The following KLB variants were observed in gnomAD, a reference collection of about 807,000 sequenced individuals.
The protein encoded by KLB is beta-klotho.
Under a neutral mutation model 88.4 loss-of-function variants are expected in KLB, and 44 were observed. The observed-to-expected ratio is 0.50, with a 90% CI of 0.39 to 0.64. The LOEUF is 0.64. Among genes scored for constraint, KLB ranks in the 30% least tolerant of loss-of-function variants. KLB has a pLI of 0.00. For missense variants in KLB, 1,137 were observed against 1,304.8 expected (o/e 0.87, Z 1.98); for synonymous variants, 548 against 513.4 (o/e 1.07, Z -0.91).
chr4:39,430,658 C>A (rs1361743646), intron 1 of KLB, among the ~76,000 whole-genome samples: 1 of 143,074 alleles, frequency 7.0e-6, no homozygotes, highest in Non-Finnish European at 1.5e-5. Flanking sequence ...TGGAGTACAG[C>A]GACTCAATCT....
intron 3 of KLB, among the ~76,000 whole-genome samples, chr4:39,443,028 G>A (rs901203713): frequency 1.3e-5 from 2 of 152,132 alleles, no homozygotes; most frequent in African/African-American, 4.8e-5. Flanking sequence ...TGGCATTGAC[G>A]TGTTTGAAGA....
At chr4:39,434,033 G>A (rs1025010117) in intron 1 of KLB, among the ~76,000 whole-genome samples, 177 bp from the exon 2 acceptor site, 9 of 152,148 alleles carry the variant, frequency 5.9e-5, no homozygotes, top group African/African-American at 2.2e-4. Flanking sequence ...AGAAGTTTTA[G>A]GTTGGAAGCA....
chr4:39,424,881 G>A lies in KLB; in HGVS notation c.826-9329G>A, dbSNP rs140296546. ...TGACCTCAAGTGATCCACCCGCCTC[G>A]GCCTCCCAAAGTGCTGGGATTACAG... On this transcript the variant is annotated intron_variant, in intron 1 of 4. Transcript: ENST00000257408. Among the ~76,000 whole-genome samples the A allele has an allele frequency of 1.7e-3, 253 of 151,978 alleles. 7 individuals carry two copies. The South Asian group carries it at 0.048, about 29-fold the overall frequency.
intron 1 of KLB, among the ~76,000 whole-genome samples, chr4:39,418,659 C>T (rs1232470648): frequency 6.6e-6 from 1 of 151,788 alleles, no homozygotes; most frequent in Non-Finnish European, 1.5e-5. Flanking sequence ...ATAAGAAATA[C>T]TGATCAGGCC....
rs1269508258 is a variant in KLB at position 39,448,815 on chromosome 4, T to C, written c.*129T>C. The stretch of plus-strand genomic sequence containing the variant: ...CAGCTGTAACCAAGGTGATGACAAT[T>C]GTCTCTGCTGTGTGGTTCAAAGAAC... On this transcript the variant is annotated 3_prime_UTR_variant, in exon 5 of 5. Coordinates refer to ENST00000257408, the MANE Select transcript of KLB (RefSeq NM_175737.4). The C allele has an allele frequency of 3.4e-6, 3 of 871,344 alleles. No individual in the cohort carries two copies. In the Admixed American group the frequency reaches 7.7e-5, roughly 22 times the overall value. 54.0% of individuals were successfully genotyped at this position (871,344 alleles called of 1,614,324 possible). A position where few individuals can be genotyped will look rare whatever the true frequency, so the allele number is the denominator to read the frequency against.
At chr4:39,422,721 T>C (rs989135684) in intron 1 of KLB, among the ~76,000 whole-genome samples, 2 of 152,134 alleles carry the variant, frequency 1.3e-5, no homozygotes, top group African/African-American at 2.4e-5. Flanking sequence ...TGCCATGCTG[T>C]TCTAAATGCT....
intron 2 of KLB, among the ~76,000 whole-genome samples, chr4:39,436,896 G>T (rs763810040): frequency 1.4e-4 from 21 of 152,190 alleles, no homozygotes; most frequent in Non-Finnish European, 2.2e-4. Context: ...TTTTAGTAGA[G>T]ACAAGGCTTC....
chr4:39,449,004 T>C lies in KLB; in HGVS notation c.*318T>C, dbSNP rs1404173695. 1 of 224,180 alleles carries C rather than the reference T, an allele frequency of 4.5e-6. No homozygotes were observed. The highest frequency in any genetic ancestry group is 2.3e-5 in the African/African-American group (1 of 44,076). 13.9% of individuals were successfully genotyped at this position (224,180 alleles called of 1,614,324 possible). A position where few individuals can be genotyped will look rare whatever the true frequency, so the allele number is the denominator to read the frequency against. On this transcript the variant is annotated 3_prime_UTR_variant, in exon 5 of 5. Transcript: ENST00000257408. ...GCTTTCATCTCTACCAATAGCTACT[T>C]GTGGTACAATAAATTATTTTTAAGA...
At position 39,447,397 on chromosome 4, in the gene KLB, G is replaced by A; in HGVS notation, c.2671G>A (p.Gly891Ser). Residue 891 changes from glycine to serine, a missense_variant, in exon 4 of 5, where the codon GGC becomes AGC. This residue lies in a region of KLB where 426 missense variants were observed against 404.6 expected (regional missense o/e 1.05). Transcript: ENST00000257408. The stretch of plus-strand genomic sequence containing the variant: ...CATGGACATTTACATCACCGCCAGT[G>A]GCATCGACGACCAGGCTCTGGAGGA... ...GDMDIYITAS[G>S]IDDQALEDDR... is the part of the protein sequence containing the mutation. 6.2e-7 allele frequency: 1 copy of A among 1,613,612 alleles called. No homozygotes were observed. Among genetic ancestry groups the A allele is most frequent in the Non-Finnish European group, 8.5e-7 (1 of 1,179,900 alleles).
chr4:39,433,170 C>A (rs1743399207), intron 1 of KLB, among the ~76,000 whole-genome samples: 1 of 151,924 alleles, frequency 6.6e-6, no homozygotes, highest in African/African-American at 2.4e-5. Flanking sequence ...ATGAGCCACC[C>A]CGCCTGGTGG....
In KLB at chr4:39,414,730, G is replaced by A. The variant is rs575322446; in HGVS notation, c.825+6956G>A. Among the ~76,000 whole-genome samples the A allele has an allele frequency of 2.3e-4, 35 of 151,366 alleles. No homozygotes were observed. The East Asian group carries it at 3.2e-3, about 14-fold the overall frequency. On this transcript the variant is annotated intron_variant, in intron 1 of 4. Transcript: ENST00000257408. ...CTAAAAATACAAAAATTAGCCAGGC[G>A]CGATGGTGGGTGCCTGTAATCCCAG...
At chr4:39,410,931 T>C (rs1333258431) in intron 1 of KLB, among the ~76,000 whole-genome samples, 1 of 152,228 alleles carries the variant, frequency 6.6e-6, no homozygotes, top group Non-Finnish European at 1.5e-5. Flanking sequence ...CAAGGCTGAC[T>C]TGCAATTTAG....
At chr4:39,419,563 C>T (rs1473890623) in intron 1 of KLB, among the ~76,000 whole-genome samples, 1 of 152,074 alleles carries the variant, frequency 6.6e-6, no homozygotes, top group Non-Finnish European at 1.5e-5. Flanking sequence ...CATCTGAGGT[C>T]AGGAGTTCAA....
chr4:39,429,624 G>T (rs1263869310), intron 1 of KLB, among the ~76,000 whole-genome samples: 1 of 152,194 alleles, frequency 6.6e-6, no homozygotes, highest in Non-Finnish European at 1.5e-5. Context: ...TACAGAGGTA[G>T]ATGGCTTTGT....
At chr4:39,422,451 T>A (rs1416780972) in intron 1 of KLB, among the ~76,000 whole-genome samples, 1 of 152,058 alleles carries the variant, frequency 6.6e-6, no homozygotes, top group African/African-American at 2.4e-5. Context: ...TTACCTAACC[T>A]CTCCACCCCC....
At chr4:39,420,707 G>T (rs1743063286) in intron 1 of KLB, among the ~76,000 whole-genome samples, 1 of 152,050 alleles carries the variant, frequency 6.6e-6, no homozygotes, top group South Asian at 2.1e-4. Context: ...TAGAAACAAG[G>T]TCTGACTCTT....
intron 1 of KLB, among the ~76,000 whole-genome samples, chr4:39,430,421 A>AAAAAAAAAAAAG: frequency 6.7e-6 from 1 of 150,362 alleles, no homozygotes; most frequent in African/African-American, 2.4e-5. Context: ...AAAAAAAAAA[A>AAAAAAAAAAAAG]GCGGTTCTCA....
At chr4:39,428,272 C>T (rs895054246) in intron 1 of KLB, among the ~76,000 whole-genome samples, 3 of 151,832 alleles carry the variant, frequency 2.0e-5, no homozygotes, top group Admixed American at 2.0e-4. Flanking sequence ...ACTAAAAATA[C>T]AAAAAATTAG....
At chr4:39,434,139 G>C in intron 1 of KLB, 71 bp from the exon 2 acceptor site, 22 of 1,378,756 alleles carry the variant, frequency 1.6e-5, no homozygotes, top group Non-Finnish European at 2.1e-5. Flanking sequence ...CCATGAAAAG[G>C]CCATTTACCA....
Sources: allele counts gnomAD v4.1 joint callset (sites outside exome capture counted in the v4.1 genomes callset), GRCh38; gene constraint gnomAD v4.1.1; regional missense constraint gnomAD v4.1.1; transcripts MANE v1.5; gene names NCBI Gene and HGNC (gene_info 2026-07-23, HGNC 2026-07-21).